SPSB4: variants seen among roughly 807,000 people sequenced by gnomAD.
SPSB4 encodes SPRY domain-containing SOCS box protein 4.
In SPSB4, 21 loss-of-function variants were observed where a neutral mutation model predicts 20.9. The observed-to-expected ratio is 1.01, with a 90% confidence interval of 0.71 to 1.45. The LOEUF (loss-of-function observed/expected upper bound fraction) is 1.45, where lower values mean the gene tolerates loss of function less well. Among genes scored for constraint, SPSB4 ranks in the 40% most tolerant of loss-of-function variants. The pLI is 0.00. For synonymous variants in SPSB4, 207 were observed against 183.8 expected, an observed-to-expected ratio of 1.13 and a Z score of -1.02; for missense variants, 399 against 399.2, an observed-to-expected ratio of 1.00 and a Z score of 0.00.
chr3:141,141,837 G>A (rs1008521568), intron 2 of SPSB4, among the ~76,000 whole-genome samples: 1 of 152,116 alleles, frequency 6.6e-6, no homozygotes, highest in African/African-American at 2.4e-5. Context: ...ATGTGTAAAG[G>A]TGTTAATAAT....
chr3:141,088,250 C>T (rs80277092), intron 2 of SPSB4, among the ~76,000 whole-genome samples: 5,893 of 152,262 alleles, frequency 0.039, 172 homozygotes, highest in Non-Finnish European at 0.06. Context: ...CAGAAAAGGG[C>T]GCACAGTTAA....
chr3:141,133,794 T>C (rs997181336), intron 2 of SPSB4, among the ~76,000 whole-genome samples: 2 of 152,174 alleles, frequency 1.3e-5, no homozygotes, highest in African/African-American at 4.8e-5. Flanking sequence ...ATATGAATTT[T>C]AGGATTGTTT....
chr3:141,111,883 G>C (rs1938802885), intron 2 of SPSB4, among the ~76,000 whole-genome samples: 1 of 152,152 alleles, frequency 6.6e-6, no homozygotes. Flanking sequence ...CCCAAAACCT[G>C]TTCCTCAGAA....
chr3:141,065,199 G>C (rs1158523340), intron 1 of SPSB4, among the ~76,000 whole-genome samples: 1 of 152,116 alleles, frequency 6.6e-6, no homozygotes, highest in African/African-American at 2.4e-5. Context: ...TCTGGCTCCA[G>C]AGCCTGGACA....
chr3:141,060,641 A>C (rs1937743483), intron 1 of SPSB4, among the ~76,000 whole-genome samples: 1 of 152,240 alleles, frequency 6.6e-6, no homozygotes, highest in Admixed American at 6.5e-5. Flanking sequence ...TAAATGCTGG[A>C]AGTAGAATTG....
At chr3:141,080,371 G>A (rs16851055) in intron 2 of SPSB4, 38,576 of 152,242 alleles carry the variant, frequency 0.25, 6,062 homozygotes, top group African/African-American at 0.44. Context: ...GCCAAGAAAA[G>A]GGGCCTCTGT....
intron 2 of SPSB4, among the ~76,000 whole-genome samples, chr3:141,087,941 A>C (rs766091204): frequency 3.2e-4 from 49 of 152,198 alleles, no homozygotes; most frequent in South Asian, 4.1e-4. Flanking sequence ...GGTTGGGCTC[A>C]GTGAGCAGGA....
intron 2 of SPSB4, among the ~76,000 whole-genome samples, chr3:141,109,771 A>G (rs1489158268): frequency 5.9e-5 from 9 of 152,072 alleles, no homozygotes; most frequent in Admixed American, 5.9e-4. Flanking sequence ...AGGGCCTTCC[A>G]TCAAAAAGCG....
intron 1 of SPSB4, among the ~76,000 whole-genome samples, chr3:141,055,854 G>T (rs965034166): frequency 3.3e-5 from 5 of 152,212 alleles, no homozygotes; most frequent in African/African-American, 1.2e-4. Flanking sequence ...AGGTCAGCTG[G>T]CCTTACAAGG....
chr3:141,081,421 G>A (rs1938228478), intron 2 of SPSB4, among the ~76,000 whole-genome samples: 1 of 152,146 alleles, frequency 6.6e-6, no homozygotes, highest in Non-Finnish European at 1.5e-5. Context: ...ACTTCTTCTG[G>A]GCCAGTGGTC....
intron 2 of SPSB4, among the ~76,000 whole-genome samples, chr3:141,124,637 A>C (rs539619389): frequency 6.6e-6 from 1 of 152,116 alleles, no homozygotes; most frequent in East Asian, 1.9e-4. Flanking sequence ...GTGGACATGA[A>C]AGCACTTGGG....
chr3:141,073,899 A>G (rs983136595), intron 2 of SPSB4, among the ~76,000 whole-genome samples: 1 of 152,220 alleles, frequency 6.6e-6, no homozygotes, highest in Admixed American at 6.5e-5. Context: ...GGATCCTGAC[A>G]TTCAGAAACT....
At chr3:141,123,685 GTC>G (rs1233165337) in intron 2 of SPSB4, among the ~76,000 whole-genome samples, 1 of 152,184 alleles carries the variant, frequency 6.6e-6, no homozygotes, top group Non-Finnish European at 1.5e-5. Context: ...CCCCTGCCTG[GTC>G]TCTGATATTG....
chr3:141,137,317 T>G (rs918134173), intron 2 of SPSB4, among the ~76,000 whole-genome samples: 1 of 152,118 alleles, frequency 6.6e-6, no homozygotes, highest in Non-Finnish European at 1.5e-5. Flanking sequence ...CTTTTCCTAA[T>G]TGAATGCCCA....
At chr3:141,136,287 G>T (rs1939226882) in intron 2 of SPSB4, among the ~76,000 whole-genome samples, 1 of 152,124 alleles carries the variant, frequency 6.6e-6, no homozygotes, top group South Asian at 2.1e-4. Context: ...CATTCTGTAG[G>T]TTGCCTGTTC....
chr3:141,075,388 A>G (rs1020580207), intron 2 of SPSB4, among the ~76,000 whole-genome samples: 1 of 152,136 alleles, frequency 6.6e-6, no homozygotes, highest in African/African-American at 2.4e-5. Context: ...ACAGTCACAG[A>G]TACCCAGGTA....
intron 2 of SPSB4, among the ~76,000 whole-genome samples, chr3:141,116,712 T>C (rs1415982005): frequency 6.6e-6 from 1 of 152,222 alleles, no homozygotes; most frequent in Admixed American, 6.5e-5. Flanking sequence ...AAGAAAGTGC[T>C]TAGAATGTCT....
intron 2 of SPSB4, among the ~76,000 whole-genome samples, chr3:141,129,275 C>T (rs1343133286): frequency 3.9e-5 from 6 of 152,220 alleles, no homozygotes; most frequent in African/African-American, 1.4e-4. Context: ...GGAGCCTCTC[C>T]CAAAGGCTGC....
chr3:141,123,629 C>T (rs1939005408), intron 2 of SPSB4, among the ~76,000 whole-genome samples: 2 of 152,230 alleles, frequency 1.3e-5, no homozygotes, highest in African/African-American at 4.8e-5. Context: ...TCACCCTGCC[C>T]TGGATGAAAT....
Sources: allele counts gnomAD v4.1 joint callset (sites outside exome capture counted in the v4.1 genomes callset), GRCh38; gene constraint gnomAD v4.1.1; transcripts MANE v1.5; gene names NCBI Gene and HGNC (gene_info 2026-07-23, HGNC 2026-07-21).